RYR3: variants seen among roughly 807,000 people sequenced by gnomAD.
RYR3 encodes the protein ryanodine receptor 3.
A neutral mutation model predicts 584.3 loss-of-function variants in RYR3; 207 were observed. That is an observed-to-expected ratio of 0.35 (90% CI 0.32 to 0.40). The LOEUF (loss-of-function observed/expected upper bound fraction) is 0.40. Ranked by LOEUF, RYR3 falls within the 10% of genes least tolerant of loss-of-function variation. The probability of loss-of-function intolerance (pLI) is 1.00; values close to 1 mark genes in which losing one functional copy is unlikely to be tolerated. For synonymous variants in RYR3, 2,416 were observed against 2,248.5 expected (o/e 1.07, Z -2.11); for missense variants, 5,616 against 6,089.2 (o/e 0.92, Z 2.59).
intron 1 of RYR3, among the ~76,000 whole-genome samples, chr15:33,367,812 A>G (rs193141705): frequency 1.3e-5 from 2 of 152,340 alleles, no homozygotes; most frequent in East Asian, 3.9e-4. Context: ...CCCTAAATTC[A>G]CAAGGATTGT....
In RYR3 at chr15:33,838,420, C is replaced by T; in HGVS notation, c.12440C>T (p.Ala4147Val). Residue 4147 changes from alanine (A) to valine (V), a missense_variant, in exon 89 of 104, where the codon GCC (alanine) becomes GTC (valine). By Grantham distance (64) the Ala-to-Val change is moderately conservative (BLOSUM62 0). Transcript: ENST00000634891. ...EPASAFAMACASVKRNVTDFL... is the reference protein window; with the variant it reads ...EPASAFAMACVSVKRNVTDFL... ...GCCTCTGCATTTGCTATGGCCTGTG[C>T]CTCTGTGAAGAGGAATGTCACCGAC... is the stretch of plus-strand genomic sequence containing the variant. 1.2e-6 allele frequency: 2 copies of T among 1,613,970 alleles called. No individual in the cohort carries two copies. Among genetic ancestry groups the T allele is most frequent in the Non-Finnish European group, 1.7e-6 (2 of 1,179,886 alleles).
Position 33,577,331 on chromosome 15 carries a change from T to G in RYR3, c.1269-2645T>G, listed in dbSNP as rs531735102. On this transcript the variant is annotated intron_variant, in intron 12 of 103. Coordinates refer to ENST00000634891, the MANE Select transcript of RYR3 (RefSeq NM_001036.6). ...CCAAGACAATCCTGAGCAAAAAGAA[T>G]AAAGACAGAGGCATCACACTACCCA... 5.4e-4 allele frequency among the ~76,000 whole-genome samples: 82 copies of G among 152,104 alleles called. 2 individuals are homozygous for G. The South Asian group carries it at 0.015, about 27-fold the overall frequency.
intron 42 of RYR3, among the ~76,000 whole-genome samples, chr15:33,706,463 C>T (rs2066727167): frequency 6.6e-6 from 1 of 152,186 alleles, no homozygotes; most frequent in African/African-American, 2.4e-5. Flanking sequence ...ACTCAAATTA[C>T]CTCCTATGAA....
intron 19 of RYR3, among the ~76,000 whole-genome samples, chr15:33,620,039 A>T (rs2152580101): frequency 6.6e-6 from 1 of 151,836 alleles, no homozygotes; most frequent in Admixed American, 6.6e-5. Context: ...CCCCTTTCCC[A>T]CATCCCCCAG....
At chr15:33,759,291 T>C (rs1261868230) in intron 60 of RYR3, among the ~76,000 whole-genome samples, 1 of 152,232 alleles carries the variant, frequency 6.6e-6, no homozygotes, top group Non-Finnish European at 1.5e-5. Flanking sequence ...GGACAGAGAA[T>C]GAGTTTGACA....
In RYR3 at chr15:33,422,946, CTT is replaced by C. The variant is rs777516250; in HGVS notation, c.52-50471_52-50470del. Among the ~76,000 whole-genome samples, 31 of 152,162 alleles carry C rather than the reference CTT, an allele frequency of 2.0e-4. 1 individual carries two copies. The highest frequency in any genetic ancestry group is 2.9e-5 in the Non-Finnish European group (2 of 68,022). On this transcript the variant is annotated intron_variant, in intron 1 of 103. Coordinates refer to ENST00000634891, the MANE Select transcript of RYR3 (RefSeq NM_001036.6). ...TTCCCTCTTGTAGTAGTTGAGAAAA[CTT>C]TGCATATTAGTGTTTTTATTTTGCT...
intron 19 of RYR3, among the ~76,000 whole-genome samples, chr15:33,619,628 C>T (rs1317740263): frequency 6.6e-6 from 1 of 152,100 alleles, no homozygotes; most frequent in Non-Finnish European, 1.5e-5. Flanking sequence ...ACAATTTTGT[C>T]AGTAATTCGA....
chr15:33,585,832 A>G (rs1044089329), intron 15 of RYR3, among the ~76,000 whole-genome samples, 166 bp from the exon 16 acceptor site: 13 of 152,188 alleles, frequency 8.5e-5, no homozygotes, highest in African/African-American at 2.9e-4. Context: ...TCTGAAGTCT[A>G]CCGGAAATGA....
At chr15:33,526,218 T>A (rs16971893) in intron 3 of RYR3, among the ~76,000 whole-genome samples, 1 of 152,162 alleles carries the variant, frequency 6.6e-6, no homozygotes, top group Non-Finnish European at 1.5e-5. Flanking sequence ...TGGGAACTAC[T>A]AGAAGAAACG....
intron 34 of RYR3, among the ~76,000 whole-genome samples, chr15:33,661,269 A>G (rs2063145355): frequency 6.6e-6 from 1 of 152,184 alleles, no homozygotes; most frequent in African/African-American, 2.4e-5. Context: ...CACACAAACA[A>G]GGGAGCAACA....
intron 1 of RYR3, among the ~76,000 whole-genome samples, chr15:33,450,967 G>A (rs889980510): frequency 6.6e-6 from 1 of 152,092 alleles, no homozygotes; most frequent in African/African-American, 2.4e-5. Flanking sequence ...ATGGAGCATC[G>A]TGTGGTCCTT....
At chr15:33,707,144 T>C (rs886504464) in intron 43 of RYR3, 90 bp downstream of exon 43, 2 of 1,463,098 alleles carry the variant, frequency 1.4e-6, no homozygotes, top group African/African-American at 2.8e-5. Context: ...CCATTGCTTC[T>C]TATCTGAAAA....
At chr15:33,733,653 A>G (rs1295028322) in intron 48 of RYR3, among the ~76,000 whole-genome samples, 1 of 151,964 alleles carries the variant, frequency 6.6e-6, no homozygotes, top group East Asian at 1.9e-4. Flanking sequence ...CAGTATAATG[A>G]TGGATGTATG....
chr15:33,787,721 C>G (rs899588614), intron 66 of RYR3, among the ~76,000 whole-genome samples: 1 of 152,032 alleles, frequency 6.6e-6, no homozygotes, highest in African/African-American at 2.4e-5. Context: ...AGTGTTGAGG[C>G]TGAGGATGGT....
chr15:33,375,470 A>G (rs185456703), intron 1 of RYR3, among the ~76,000 whole-genome samples: 5 of 152,262 alleles, frequency 3.3e-5, no homozygotes, highest in Admixed American at 2.6e-4. Context: ...AAGAAGGGCA[A>G]TCCAGATAAA....
chr15:33,806,990 A>T (rs1410302594), intron 69 of RYR3, among the ~76,000 whole-genome samples: 1 of 149,638 alleles, frequency 6.7e-6, no homozygotes, highest in Non-Finnish European at 1.5e-5. Context: ...GCTTCAAGTG[A>T]TCTTGCCACC....
Position 33,795,376 on chromosome 15 carries a change from T to G in RYR3, c.9831-5394T>G, listed in dbSNP as rs554421957. Reference sequence around the variant, plus strand: ...AAGAAGTATTAAACAAGTCTTTTTCTTTTCTTTTTTTTTTTTTTTTTTTTT... The same window carrying G: ...AAGAAGTATTAAACAAGTCTTTTTCGTTTCTTTTTTTTTTTTTTTTTTTTT... On this transcript the variant is annotated intron_variant, in intron 67 of 103. Transcript: ENST00000634891. Among the ~76,000 whole-genome samples, 4 of 126,866 alleles carry G rather than the reference T, an allele frequency of 3.2e-5. No individual in the cohort carries two copies. In the East Asian group the frequency reaches 1.1e-3, roughly 34 times the overall value. 83.2% of individuals were successfully genotyped at this position (126,866 alleles called of 152,430 possible).
At chr15:33,807,759 T>G (rs913513652) in intron 70 of RYR3, 190 bp downstream of exon 70, 1 of 623,660 alleles carries the variant, frequency 1.6e-6, no homozygotes, top group Non-Finnish European at 2.8e-6. Flanking sequence ...ACCCTTGGAA[T>G]GGGGAAGCCG....
chr15:33,707,065 C>T lies in RYR3; in HGVS notation c.6619+11C>T. ...CTGTCTTCGTGAACAGTGAGTCCCA[C>T]ATTTTTCCATACCTCTTATACCCAG... On this transcript the variant is annotated intron_variant, in intron 43 of 103. Coordinates refer to ENST00000634891, the MANE Select transcript of RYR3 (RefSeq NM_001036.6). The T allele has an allele frequency of 2.5e-6, 4 of 1,613,744 alleles. No homozygotes were observed. In the South Asian group the frequency reaches 3.3e-5, roughly 13 times the overall value.
Sources: gnomAD v4.1 joint callset for allele counts (sites outside exome capture counted in the v4.1 genomes callset) on GRCh38, gnomAD v4.1.1 for gene constraint, MANE v1.5 for transcripts, NCBI Gene and HGNC (gene_info 2026-07-23, HGNC 2026-07-21) for gene names.